The following LDB2 variants were observed in gnomAD, a reference collection of about 807,000 sequenced individuals.
LDB2 encodes LIM domain-binding protein 2.
LDB2 carries 12 observed loss-of-function variants against 44.3 expected under a neutral mutation model. That is an observed-to-expected ratio of 0.27 (90% CI 0.17 to 0.44). The LOEUF (loss-of-function observed/expected upper bound fraction) is 0.44. LDB2 is among the 20% of genes least tolerant of loss of function. The pLI is 1.00. For synonymous variants in LDB2, 164 were observed against 174.8 expected, an observed-to-expected ratio of 0.94 and a Z score of 0.49; for missense variants, 344 against 473.5, an observed-to-expected ratio of 0.73 and a Z score of 2.54.
intron 2 of LDB2, among the ~76,000 whole-genome samples, chr4:16,673,250 A>T (rs546834294): frequency 4.6e-5 from 7 of 152,254 alleles, no homozygotes; most frequent in Non-Finnish European, 1.0e-4. Flanking sequence ...TCAGCCAGAC[A>T]TCTTACCTTC....
chr4:16,882,307 C>A lies in LDB2; in HGVS notation c.132+16047G>T, dbSNP rs575746517. On this transcript the variant is annotated intron_variant, in intron 1 of 7. Transcript: ENST00000304523. ...ATTCCATCCTAGACAACACAGGGTG[C>A]CACCATGAATGCTACTTCTTAAATG... Among the ~76,000 whole-genome samples, 7 of 152,330 alleles carry A rather than the reference C, an allele frequency of 4.6e-5. 1 individual carries two copies. The highest frequency in any genetic ancestry group is 1.7e-4 in the African/African-American group (7 of 41,568).
At chr4:16,897,859 T>C (rs1247900189) in intron 1 of LDB2, among the ~76,000 whole-genome samples, 1 of 145,120 alleles carries the variant, frequency 6.9e-6, no homozygotes, top group Non-Finnish European at 1.5e-5. Flanking sequence ...TAAATACAGG[T>C]CAAAGCAGAC....
At chr4:16,755,528 T>A (rs1002953363) in intron 2 of LDB2, among the ~76,000 whole-genome samples, 39 of 134,964 alleles carry the variant, frequency 2.9e-4, no homozygotes, top group African/African-American at 8.8e-4. Context: ...TGTGTGTATG[T>A]GAGAGAGAGA....
chr4:16,704,233 CT>C (rs1440325535), intron 2 of LDB2, among the ~76,000 whole-genome samples: 1 of 152,166 alleles, frequency 6.6e-6, no homozygotes, highest in African/African-American at 2.4e-5. Context: ...ACCTGGTCTC[CT>C]TTTTCTACCA....
intron 1 of LDB2, among the ~76,000 whole-genome samples, chr4:16,822,806 G>T (rs368093949): frequency 3.9e-5 from 6 of 152,158 alleles, no homozygotes; most frequent in Admixed American, 2.0e-4. Flanking sequence ...ATGCACCACC[G>T]TGCCCGACCA....
chr4:16,853,146 A>G (rs1486207562), intron 1 of LDB2, among the ~76,000 whole-genome samples: 1 of 152,200 alleles, frequency 6.6e-6, no homozygotes. Flanking sequence ...CATGTTTTTT[A>G]ATTTTTAAAT....
At chr4:16,556,069 C>G (rs1030155671) in intron 5 of LDB2, among the ~76,000 whole-genome samples, 1 of 152,208 alleles carries the variant, frequency 6.6e-6, no homozygotes, top group Admixed American at 6.5e-5. Context: ...AACAGTCCAA[C>G]TATCACCTTC....
chr4:16,517,365 T>C (rs1228335270), intron 5 of LDB2, among the ~76,000 whole-genome samples: 1 of 151,990 alleles, frequency 6.6e-6, no homozygotes, highest in Non-Finnish European at 1.5e-5. Context: ...AAAACACCAG[T>C]CAAATGCACA....
intron 5 of LDB2, among the ~76,000 whole-genome samples, chr4:16,545,330 C>G (rs1412482594): frequency 6.6e-6 from 1 of 152,122 alleles, no homozygotes; most frequent in African/African-American, 2.4e-5. Flanking sequence ...CCTCCTGATA[C>G]CCCACGATGC....
At chr4:16,513,882 G>C (rs1250640928) in intron 5 of LDB2, among the ~76,000 whole-genome samples, 1 of 152,276 alleles carries the variant, frequency 6.6e-6, no homozygotes, top group Middle Eastern at 3.4e-3. Flanking sequence ...GCCAAAGGTA[G>C]ACATAAAATC....
At chr4:16,689,798 A>G (rs1050432919) in intron 2 of LDB2, among the ~76,000 whole-genome samples, 6 of 152,212 alleles carry the variant, frequency 3.9e-5, no homozygotes, top group African/African-American at 1.4e-4. Context: ...TGGTGAGCTA[A>G]TGGCTTCTAT....
At chr4:16,717,235 C>CT (rs1277781192) in intron 2 of LDB2, among the ~76,000 whole-genome samples, 1 of 151,652 alleles carries the variant, frequency 6.6e-6, no homozygotes, top group Non-Finnish European at 1.5e-5. Flanking sequence ...TTCCTGTTTC[C>CT]TTTTTAATGG....
intron 2 of LDB2, among the ~76,000 whole-genome samples, chr4:16,671,387 C>A (rs2152557266): frequency 6.6e-6 from 1 of 152,186 alleles, no homozygotes; most frequent in South Asian, 2.1e-4. Flanking sequence ...AAATAAGATA[C>A]TCCGTGTAAA....
At chr4:16,562,655 T>C (rs980159353) in intron 5 of LDB2, among the ~76,000 whole-genome samples, 3 of 152,236 alleles carry the variant, frequency 2.0e-5, no homozygotes, top group African/African-American at 7.2e-5. Context: ...GAAGTCAGTG[T>C]GGCCATTCCT....
rs2152188016 is a variant in LDB2 at position 16,502,781 on chromosome 4, A to G, written c.984T>C (p.Tyr328=). 6.2e-7 allele frequency: 1 copy of G among 1,614,012 alleles called. No homozygotes were observed. The highest frequency in any genetic ancestry group is 8.5e-7 in the Non-Finnish European group (1 of 1,179,992). The part of the protein sequence containing the change: ...RLITRLENTQ[Y]DAANGMDDEE... ...CGTCGTCCATGCCGTTGGCCGCATC[A>G]TATTGCGTGTTTTCTAATCTAGTGA... The change falls in exon 8 of 8, where the codon TAT becomes TAC. Residue 328 remains tyrosine, a synonymous_variant. Transcript: ENST00000304523.
intron 2 of LDB2, among the ~76,000 whole-genome samples, chr4:16,707,092 T>C (rs1754771688): frequency 6.6e-6 from 1 of 152,108 alleles, no homozygotes; most frequent in African/African-American, 2.4e-5. Flanking sequence ...AAATTAATAA[T>C]AATCCCATTT....
chr4:16,533,620 CAG>C lies in LDB2; in HGVS notation c.616-21518_616-21517del, dbSNP rs1446036516. On this transcript the variant is annotated intron_variant, in intron 5 of 7. Transcript: ENST00000304523. This position sits in a 1 kb window ranked among gnomAD's most constrained non-coding sequence, Gnocchi z 4.1. ...TTCTCTCAAGAAAGCAAGACTGTGA[CAG>C]AGAAGGGCAGCTCCTTCACCATATC... Among the ~76,000 whole-genome samples, 3 of 152,202 alleles carry C rather than the reference CAG, an allele frequency of 2.0e-5. No individual in the cohort carries two copies. Among genetic ancestry groups the C allele is most frequent in the African/African-American group, 7.2e-5 (3 of 41,450 alleles).
At chr4:16,676,501 T>C (rs2152563744) in intron 2 of LDB2, among the ~76,000 whole-genome samples, 1 of 152,242 alleles carries the variant, frequency 6.6e-6, no homozygotes, top group East Asian at 1.9e-4. Context: ...GTTCCCACTC[T>C]GTGCAAGGCA....
rs142895554 is a variant in LDB2 at position 16,850,777 on chromosome 4, G to C, written c.132+47577C>G. ...CACTGAAACATGAGACATAGGAAAA[G>C]AACAAGATGGTGAGTTTGGTTTGGG... On this transcript the variant is annotated intron_variant, in intron 1 of 7. Transcript: ENST00000304523. 5.3e-5 allele frequency among the ~76,000 whole-genome samples: 8 copies of C among 152,308 alleles called. No homozygotes were observed. The East Asian group carries it at 1.5e-3, about 29-fold the overall frequency.
Sources: allele counts gnomAD v4.1 joint callset (sites outside exome capture counted in the v4.1 genomes callset), GRCh38; gene constraint gnomAD v4.1.1; non-coding constraint Gnocchi (gnomAD v3.1); transcripts MANE v1.5; gene names NCBI Gene and HGNC (gene_info 2026-07-23, HGNC 2026-07-21).